The following TNRC6C variants were observed in gnomAD, a reference collection of about 807,000 sequenced individuals.
The protein encoded by TNRC6C is trinucleotide repeat-containing gene 6C protein.
Under a neutral mutation model 153.7 loss-of-function variants are expected in TNRC6C, and 20 were observed. That is an observed-to-expected ratio of 0.13 (90% CI 0.09 to 0.19). The LOEUF (loss-of-function observed/expected upper bound fraction) is 0.19, where lower values mean the gene tolerates loss of function less well. TNRC6C is among the 10% of genes least tolerant of loss of function. The pLI is 1.00. For missense variants in TNRC6C, 1,987 were observed against 2,172.0 expected (o/e 0.91, Z 1.69); for synonymous variants, 811 against 841.4 (o/e 0.96, Z 0.63).
At chr17:78,105,716 GA>G (rs1465513264) in exon 20 of TNRC6C, 1 of 152,228 alleles carries the variant, frequency 6.6e-6, no homozygotes, top group Non-Finnish European at 1.5e-5. Context: ...AGCGTGTGAG[GA>G]TTTAACTGTG....
In TNRC6C at chr17:78,049,895, G is replaced by C. The variant is rs370169438; in HGVS notation, c.833G>C (p.Ser278Thr). ...GGAGACACTGTGAACTCAGCATTAA[G>C]TGCTAAACAAAATGGATCCAGCAGT... is the stretch of plus-strand genomic sequence containing the variant. The change falls in exon 3 of 20, where the codon AGT (serine) becomes ACT (threonine). Residue 278 changes from serine (S) to threonine (T), a missense_variant. Physicochemically the swap from Ser to Thr is moderately conservative, Grantham distance 58 (BLOSUM62 1). This residue lies in a region of TNRC6C where 1,052 missense variants were observed against 1,017.0 expected (regional missense o/e 1.03). Coordinates refer to ENST00000301624, the Ensembl canonical transcript of TNRC6C. This position sits in a 1 kb window ranked among gnomAD's most constrained non-coding sequence, Gnocchi z 4.1. 11 of 1,613,970 alleles carry C rather than the reference G, an allele frequency of 6.8e-6. No homozygotes were observed. The highest frequency in any genetic ancestry group is 9.3e-6 in the Non-Finnish European group (11 of 1,179,916).
intron 5 of TNRC6C, among the ~76,000 whole-genome samples, chr17:78,069,574 G>A (rs2072951013): frequency 6.6e-6 from 1 of 152,034 alleles, no homozygotes; most frequent in Non-Finnish European, 1.5e-5. Flanking sequence ...TTTTTCTGTA[G>A]AGACAGAGTC....
intron 1 of TNRC6C, chr17:78,008,934 C>T (rs1227896383): frequency 6.6e-6 from 1 of 152,160 alleles, no homozygotes; most frequent in African/African-American, 2.4e-5. Context: ...GTTAGCACTC[C>T]TGGATCCCTA....
At chr17:78,084,420 T>A (rs866000634) in intron 11 of TNRC6C, among the ~76,000 whole-genome samples, 5 of 151,828 alleles carry the variant, frequency 3.3e-5, no homozygotes, top group Non-Finnish European at 7.4e-5. Context: ...GTCTTTCCCC[T>A]TTGCTGTTTT....
In TNRC6C at chr17:77,992,274, C is replaced by T. The variant is rs545863211; in HGVS notation, c.-37-11896C>T. 1.2e-4 allele frequency among the ~76,000 whole-genome samples: 6 copies of T among 50,700 alleles called. 1 individual carries two copies. The East Asian group carries it at 2.9e-3, about 25-fold the overall frequency. The allele number at this position is 50,700 out of a possible 152,430, so 33.3% of individuals were successfully genotyped here. Reference sequence around the variant, plus strand: ...CAGCACTTTGGGAGGCCGAGACGGGCGGATCACGAGGTCAGGAGATCGAGA... The same window carrying T: ...CAGCACTTTGGGAGGCCGAGACGGGTGGATCACGAGGTCAGGAGATCGAGA... On this transcript the variant is annotated intron_variant, in intron 1 of 22. Coordinates refer to the TNRC6C transcript ENST00000636222.
At chr17:78,082,360 G>T (rs1379448881) in intron 10 of TNRC6C, among the ~76,000 whole-genome samples, 1 of 151,876 alleles carries the variant, frequency 6.6e-6, no homozygotes, top group Non-Finnish European at 1.5e-5. Context: ...ACATCGGTAT[G>T]CAGAAGTACA....
exon 3 of TNRC6C, chr17:78,048,924 C>T: frequency 7.9e-7 from 1 of 1,273,428 alleles, no homozygotes; most frequent in Non-Finnish European, 9.9e-7. Flanking sequence ...GCGAAGCCAA[C>T]TGCAGCTGGG....
chr17:77,987,187 C>T (rs1280711938), intron 1 of TNRC6C, among the ~76,000 whole-genome samples: 1 of 151,858 alleles, frequency 6.6e-6, no homozygotes, highest in African/African-American at 2.4e-5. Flanking sequence ...AAGAGACGGG[C>T]CAGGATATAT....
At chr17:78,077,057 T>G in intron 8 of TNRC6C, 128 bp from the exon 11 acceptor site, 1 of 1,066,658 alleles carries the variant, frequency 9.4e-7, no homozygotes, top group Non-Finnish European at 1.3e-6. Context: ...CTCCATTCCC[T>G]TATCCACACT....
chr17:78,031,472 G>A (rs1372850251), intron 1 of TNRC6C, 44 bp from the exon 4 acceptor site: 5 of 1,225,156 alleles, frequency 4.1e-6, no homozygotes, highest in Middle Eastern at 3.1e-4. Flanking sequence ...TTTTAAAGGG[G>A]TCTAGCTAAA....
At chr17:78,099,891 A>G (rs1196140925) in intron 17 of TNRC6C, among the ~76,000 whole-genome samples, 3 of 152,248 alleles carry the variant, frequency 2.0e-5, no homozygotes, top group Non-Finnish European at 4.4e-5. Flanking sequence ...CTTCCTAGAT[A>G]CAATGGGGGT....
intron 1 of TNRC6C, among the ~76,000 whole-genome samples, chr17:78,006,555 CTT>C (rs1567910986): frequency 4.4e-4 from 26 of 58,702 alleles, no homozygotes; most frequent in African/African-American, 1.6e-3. Flanking sequence ...TCTTCTTCTT[CTT>C]CTTCCTTCTT....
At chr17:78,042,565 ATT>A (rs67678607) in intron 2 of TNRC6C, among the ~76,000 whole-genome samples, 3,327 of 145,116 alleles carry the variant, frequency 0.023, 127 homozygotes, top group African/African-American at 0.076. Context: ...CATTTCACAG[ATT>A]TTTTTTTTTT....
intron 1 of TNRC6C, among the ~76,000 whole-genome samples, chr17:77,966,897 T>C (rs963551295): frequency 1.3e-5 from 2 of 152,198 alleles, no homozygotes; most frequent in Admixed American, 6.5e-5. Flanking sequence ...CAAAAATCTT[T>C]AATGTTTCAA....
intron 14 of TNRC6C, 86 bp from the exon 17 acceptor site, chr17:78,092,847 G>A (rs2144568714): frequency 8.5e-7 from 1 of 1,180,440 alleles, no homozygotes; most frequent in Non-Finnish European, 1.2e-6. Flanking sequence ...TAGAACAGAA[G>A]GTACATAGGG....
chr17:78,103,989 C>T (rs2073643782), intron 19 of TNRC6C, among the ~76,000 whole-genome samples: 1 of 152,200 alleles, frequency 6.6e-6, no homozygotes, highest in Admixed American at 6.5e-5. Context: ...CGACACAGGT[C>T]AGTTCCTCAC....
chr17:78,098,277 A>G, intron 16 of TNRC6C, 66 bp from the exon 20 acceptor site: 2 of 1,460,324 alleles, frequency 1.4e-6, no homozygotes, highest in Non-Finnish European at 1.8e-6. Context: ...GTGGCTCCCC[A>G]AACACAGCAG....
chr17:77,996,782 A>G (rs920964985), intron 1 of TNRC6C, among the ~76,000 whole-genome samples: 1 of 152,184 alleles, frequency 6.6e-6, no homozygotes, highest in Non-Finnish European at 1.5e-5. Flanking sequence ...GAATCTGAGC[A>G]CTGTGGCCCA....
Position 78,098,707 on chromosome 17 carries a change from G to A in TNRC6C, c.4501+170G>A, listed in dbSNP as rs142249940. 2.6e-3 allele frequency among the ~76,000 whole-genome samples: 392 copies of A among 152,272 alleles called. 2 individuals carry two copies. Among genetic ancestry groups the A allele is most frequent in the African/African-American group, 9.0e-3 (376 of 41,556 alleles). On this transcript the variant is annotated intron_variant, in intron 17 of 19. Coordinates refer to ENST00000301624, the Ensembl canonical transcript of TNRC6C. The stretch of plus-strand genomic sequence containing the variant: ...AGATGTCCATCCAGGGCAGTAGCTG[G>A]GTGAGCCTGGTGTTTTTAGCATCAG...
Sources: gnomAD v4.1 joint callset for allele counts (sites outside exome capture counted in the v4.1 genomes callset) on GRCh38, gnomAD v4.1.1 for gene constraint, gnomAD v4.1.1 regional missense constraint, Gnocchi (gnomAD v3.1) non-coding constraint, MANE v1.5 for transcripts, NCBI Gene and HGNC (gene_info 2026-07-23, HGNC 2026-07-21) for gene names.